KLF12: variants seen among roughly 807,000 people sequenced by gnomAD.
KLF12 encodes Krueppel-like factor 12.
Under a neutral mutation model 37.8 loss-of-function variants are expected in KLF12, and 9 were observed. The ratio of observed to expected loss-of-function variants is 0.24; its 90% CI spans 0.14 to 0.42. KLF12 has a LOEUF of 0.42. Ranked by LOEUF, KLF12 falls within the 10% of genes least tolerant of loss-of-function variation. KLF12 has a pLI of 1.00. For missense variants in KLF12, 411 were observed against 516.0 expected (o/e 0.80, Z 1.97); for synonymous variants, 208 against 202.1 (o/e 1.03, Z -0.25).
At chr13:74,139,034 T>C in the KLF12 span, among the ~76,000 whole-genome samples, 1 of 152,246 alleles carries the variant, frequency 6.6e-6, no homozygotes, top group South Asian at 2.1e-4. Flanking sequence ...TGTGGTATAA[T>C]GGAAAGAGTG....
chr13:74,246,232 C>A, the KLF12 span, among the ~76,000 whole-genome samples: 1 of 152,162 alleles, frequency 6.6e-6, no homozygotes, highest in African/African-American at 2.4e-5. Flanking sequence ...ACAGGGCTAC[C>A]TGGTACTAGG....
the KLF12 span, among the ~76,000 whole-genome samples, chr13:74,276,456 A>G: frequency 6.6e-5 from 10 of 152,172 alleles, no homozygotes; most frequent in African/African-American, 1.9e-4. Flanking sequence ...CATTATTTTG[A>G]ACAGGAATTG....
chr13:74,204,568 T>C, the KLF12 span, among the ~76,000 whole-genome samples: 1 of 152,176 alleles, frequency 6.6e-6, no homozygotes, highest in Admixed American at 6.6e-5. Context: ...ATGAAGATCA[T>C]TTAGGTTTTT....
the KLF12 span, among the ~76,000 whole-genome samples, chr13:74,241,037 C>T: frequency 2.6e-5 from 4 of 152,160 alleles, no homozygotes; most frequent in African/African-American, 7.2e-5. Flanking sequence ...TTAGAGTTTC[C>T]AGTGTTTCTG....
chr13:74,293,209 C>T, the KLF12 span, among the ~76,000 whole-genome samples: 2 of 152,170 alleles, frequency 1.3e-5, no homozygotes, highest in Non-Finnish European at 2.9e-5. Context: ...CAAAGGGTGC[C>T]AGTGCTCTTT....
intron 3 of KLF12, among the ~76,000 whole-genome samples, chr13:73,935,496 C>A (rs1009856947): frequency 6.6e-6 from 1 of 151,972 alleles, no homozygotes; most frequent in Non-Finnish European, 1.5e-5. Context: ...GGGGGCGGAT[C>A]CCTCATTAAT....
chr13:73,691,174 C>T lies in KLF12; in HGVS notation c.*4316G>A, dbSNP rs1873801870. 1 of 152,648 alleles carries T rather than the reference C, an allele frequency of 6.6e-6. No individual in the cohort carries two copies. Among genetic ancestry groups the T allele is most frequent in the South Asian group, 2.1e-4 (1 of 4,838 alleles). The allele number at this position is 152,648 out of a possible 1,614,324, so 9.5% of individuals were successfully genotyped here. A position where few individuals can be genotyped will look rare whatever the true frequency, so the allele number is the denominator to read the frequency against. ...ATATTTGTTAGCCCACTGGCTGCTG[C>T]ATATACAGTTGTGTACACACATGTG... On this transcript the variant is annotated 3_prime_UTR_variant, in exon 8 of 8. Coordinates refer to ENST00000377669, the MANE Select transcript of KLF12 (RefSeq NM_007249.5).
chr13:73,700,278 A>T (rs9573279), intron 7 of KLF12, among the ~76,000 whole-genome samples: 50,790 of 150,364 alleles, frequency 0.34, 9,416 homozygotes, highest in East Asian at 0.6. Flanking sequence ...AAAAATAAAT[A>T]AATAAATTAA....
intron 1 of KLF12, among the ~76,000 whole-genome samples, chr13:74,044,080 A>G (rs1443248839): frequency 6.6e-6 from 1 of 152,240 alleles, no homozygotes; most frequent in East Asian, 1.9e-4. Context: ...CCTTAGATGA[A>G]TGATTCAATG....
chr13:73,921,998 T>C (rs1371786094), intron 3 of KLF12, among the ~76,000 whole-genome samples: 1 of 152,130 alleles, frequency 6.6e-6, no homozygotes, highest in Non-Finnish European at 1.5e-5. Flanking sequence ...TGTTTTTTAA[T>C]TGTACACAAT....
intron 3 of KLF12, among the ~76,000 whole-genome samples, chr13:73,851,620 G>A (rs911579279): frequency 6.6e-6 from 1 of 152,076 alleles, no homozygotes; most frequent in Non-Finnish European, 1.5e-5. Flanking sequence ...TAATTGCTTT[G>A]GGATGTTGGT....
chr13:73,939,296 G>C (rs1437376846), intron 3 of KLF12, among the ~76,000 whole-genome samples: 1 of 152,168 alleles, frequency 6.6e-6, no homozygotes, highest in African/African-American at 2.4e-5. Flanking sequence ...TTTATTTAGA[G>C]AGCTCATCTT....
At chr13:74,253,759 T>A in the KLF12 span, among the ~76,000 whole-genome samples, 1 of 152,174 alleles carries the variant, frequency 6.6e-6, no homozygotes, top group Non-Finnish European at 1.5e-5. Flanking sequence ...TCATGAACTA[T>A]CTGTACTACC....
chr13:73,939,297 A>G (rs1890087071), intron 3 of KLF12, among the ~76,000 whole-genome samples: 1 of 152,172 alleles, frequency 6.6e-6, no homozygotes, highest in Non-Finnish European at 1.5e-5. Flanking sequence ...TTATTTAGAG[A>G]GCTCATCTTT....
At chr13:74,211,849 G>A in the KLF12 span, among the ~76,000 whole-genome samples, 1 of 152,092 alleles carries the variant, frequency 6.6e-6, no homozygotes, top group African/African-American at 2.4e-5. Context: ...TTTGGTTATA[G>A]GAGGGAATTT....
chr13:73,868,475 C>T (rs922007406), intron 3 of KLF12, among the ~76,000 whole-genome samples: 1 of 151,988 alleles, frequency 6.6e-6, no homozygotes, highest in African/African-American at 2.4e-5. Context: ...ACCACAACCT[C>T]CGCCTCCCGG....
intron 7 of KLF12, among the ~76,000 whole-genome samples, chr13:73,712,022 G>T (rs1030591830): frequency 6.6e-6 from 1 of 152,142 alleles, no homozygotes; most frequent in African/African-American, 2.4e-5. Context: ...TTGCAGATGT[G>T]GTGGAAACAG....
At chr13:74,051,891 T>C (rs1196089177) in intron 1 of KLF12, among the ~76,000 whole-genome samples, 1 of 152,170 alleles carries the variant, frequency 6.6e-6, no homozygotes, top group Non-Finnish European at 1.5e-5. Flanking sequence ...ATTTTGAATG[T>C]TCTCCACAAA....
chr13:74,105,891 G>A (rs535829461), intron 1 of KLF12, among the ~76,000 whole-genome samples: 2 of 152,284 alleles, frequency 1.3e-5, no homozygotes, highest in Admixed American at 6.5e-5. Context: ...AGTATCAGGA[G>A]GAGACTTCAG....
Sources: allele counts gnomAD v4.1 joint callset (sites outside exome capture counted in the v4.1 genomes callset), GRCh38; gene constraint gnomAD v4.1.1; transcripts MANE v1.5; gene names NCBI Gene and HGNC (gene_info 2026-07-23, HGNC 2026-07-21).